Variants in DSCAM observed in about 807,000 individuals in gnomAD.
DSCAM encodes the protein cell adhesion molecule DSCAM.
A neutral mutation model predicts 217.7 loss-of-function variants in DSCAM; 47 were observed. The ratio of observed to expected loss-of-function variants is 0.22; its 90% CI spans 0.17 to 0.28. DSCAM has a LOEUF of 0.28. Among genes scored for constraint, DSCAM ranks in the 10% least tolerant of loss-of-function variants. The pLI is 1.00. For synonymous variants in DSCAM, 1,056 were observed against 1,015.3 expected (o/e 1.04, Z -0.76); for missense variants, 2,080 against 2,618.3 (o/e 0.79, Z 4.49).
chr21:40,833,561 C>A (rs989964253), intron 1 of DSCAM, among the ~76,000 whole-genome samples: 2 of 152,142 alleles, frequency 1.3e-5, no homozygotes, highest in Non-Finnish European at 2.9e-5. Context: ...GCTGGAGGAA[C>A]CCAGGAACAC....
intron 3 of DSCAM, among the ~76,000 whole-genome samples, chr21:40,581,459 C>G (rs1285110093): frequency 1.3e-5 from 2 of 152,174 alleles, no homozygotes; most frequent in East Asian, 3.8e-4. Context: ...GCCAGGTTTG[C>G]TTAGCCAGTT....
At chr21:40,769,382 T>C (rs1027181186) in intron 1 of DSCAM, among the ~76,000 whole-genome samples, 12 of 152,172 alleles carry the variant, frequency 7.9e-5, no homozygotes, top group African/African-American at 2.9e-4. Flanking sequence ...CCAGCTGTGC[T>C]GCACCCATGG....
At chr21:40,562,934 A>G (rs1351002138) in intron 3 of DSCAM, among the ~76,000 whole-genome samples, 1 of 152,228 alleles carries the variant, frequency 6.6e-6, no homozygotes, top group Non-Finnish European at 1.5e-5. Flanking sequence ...GGAGAGAGAG[A>G]CGCAAAAACA....
chr21:40,462,080 C>A (rs2075810336), intron 3 of DSCAM, among the ~76,000 whole-genome samples: 1 of 152,164 alleles, frequency 6.6e-6, no homozygotes, highest in South Asian at 2.1e-4. Context: ...AGAAAAATGA[C>A]CACAGGAAGA....
At chr21:40,824,691 C>A (rs951403406) in intron 1 of DSCAM, among the ~76,000 whole-genome samples, 1 of 152,088 alleles carries the variant, frequency 6.6e-6, no homozygotes, top group Non-Finnish European at 1.5e-5. Flanking sequence ...GCTGGGATTA[C>A]AGGCACCACC....
Position 40,052,475 on chromosome 21 carries a change from C to T in DSCAM, c.5036-368G>A, listed in dbSNP as rs527400272. 2.0e-5 allele frequency among the ~76,000 whole-genome samples: 3 copies of T among 152,316 alleles called. No individual in the cohort carries two copies. In the South Asian group the frequency reaches 6.2e-4, roughly 32 times the overall value. On this transcript the variant is annotated intron_variant, in intron 29 of 32. Transcript: ENST00000400454. ...AGACATCATCTGCGATGCCAGCCCC[C>T]TCACCAGTGATGAGGCTGTCAATGA...
chr21:40,478,733 A>C (rs911588167), intron 3 of DSCAM, among the ~76,000 whole-genome samples: 1 of 152,220 alleles, frequency 6.6e-6, no homozygotes, highest in African/African-American at 2.4e-5. Context: ...TAACAAATAC[A>C]GTAGCCCTGC....
At chr21:40,123,832 G>A (rs958005035) in intron 20 of DSCAM, among the ~76,000 whole-genome samples, 3 of 151,982 alleles carry the variant, frequency 2.0e-5, no homozygotes, top group South Asian at 4.2e-4. Flanking sequence ...GAGGGAAGGC[G>A]TGAAGTGCTT....
intron 25 of DSCAM, among the ~76,000 whole-genome samples, chr21:40,079,339 C>T (rs1197757063): frequency 1.3e-5 from 2 of 152,152 alleles, no homozygotes; most frequent in African/African-American, 4.8e-5. Context: ...CAAGAGAAGA[C>T]AGAGTTGGAT....
chr21:40,220,346 G>A (rs1362415269), intron 11 of DSCAM, among the ~76,000 whole-genome samples: 1 of 152,124 alleles, frequency 6.6e-6, no homozygotes, highest in Non-Finnish European at 1.5e-5. Context: ...ATACATGTCT[G>A]ACTTAATAAA....
At chr21:40,482,547 A>G (rs1354153875) in intron 3 of DSCAM, among the ~76,000 whole-genome samples, 1 of 152,244 alleles carries the variant, frequency 6.6e-6, no homozygotes, top group Non-Finnish European at 1.5e-5. Context: ...TAAAAATTGG[A>G]CTAAAGGAAA....
chr21:40,247,754 C>T (rs1219085027), intron 11 of DSCAM, among the ~76,000 whole-genome samples: 1 of 152,200 alleles, frequency 6.6e-6, no homozygotes, highest in Non-Finnish European at 1.5e-5. Context: ...AGGACAGTAG[C>T]CCTCTTCTCA....
intron 8 of DSCAM, among the ~76,000 whole-genome samples, chr21:40,335,880 T>TG (rs2074425057): frequency 6.6e-6 from 1 of 152,158 alleles, no homozygotes; most frequent in Admixed American, 6.6e-5. Context: ...GCAAAAGCCA[T>TG]GGTGGGTGAG....
intron 3 of DSCAM, among the ~76,000 whole-genome samples, chr21:40,683,522 C>T (rs146114503): frequency 2.1e-3 from 320 of 152,102 alleles, no homozygotes; most frequent in African/African-American, 7.3e-3. Flanking sequence ...TTCTTTAAAA[C>T]TGGGGGACCT....
At chr21:40,396,721 A>G (rs975674298) in intron 3 of DSCAM, among the ~76,000 whole-genome samples, 1 of 152,122 alleles carries the variant, frequency 6.6e-6, no homozygotes, top group Admixed American at 6.5e-5. Flanking sequence ...TACCACAACT[A>G]CTACCACTAC....
At chr21:40,664,744 T>C (rs1449307495) in intron 3 of DSCAM, among the ~76,000 whole-genome samples, 8 of 152,066 alleles carry the variant, frequency 5.3e-5, no homozygotes, top group Non-Finnish European at 8.8e-5. Context: ...GAAGAACCTA[T>C]TTTGAGGACT....
intron 3 of DSCAM, among the ~76,000 whole-genome samples, chr21:40,673,005 T>C (rs1035300372): frequency 2.0e-5 from 3 of 152,196 alleles, no homozygotes; most frequent in African/African-American, 7.2e-5. Flanking sequence ...ATTCAACAGT[T>C]TGCCATTATC....
chr21:40,288,437 GAACA>G (rs1359751305), intron 10 of DSCAM, among the ~76,000 whole-genome samples: 6 of 151,942 alleles, frequency 3.9e-5, no homozygotes, highest in Admixed American at 6.6e-5. Context: ...CATCTAGAAG[GAACA>G]AACAAACAAA....
At chr21:40,305,389 C>CAT (rs766752825) in intron 9 of DSCAM, among the ~76,000 whole-genome samples, 11 of 68,558 alleles carry the variant, frequency 1.6e-4, no homozygotes, top group African/African-American at 3.7e-4. Context: ...GATCCCGTCT[C>CAT]AAAAAAAAAA....
Sources: gnomAD v4.1 joint callset for allele counts (sites outside exome capture counted in the v4.1 genomes callset) on GRCh38, gnomAD v4.1.1 for gene constraint, MANE v1.5 for transcripts, NCBI Gene and HGNC (gene_info 2026-07-23, HGNC 2026-07-21) for gene names.